Variants in NCAM2 observed in about 807,000 individuals in gnomAD.
The protein encoded by NCAM2 is N-CAM-2.
NCAM2 carries 30 observed loss-of-function variants against 98.1 expected under a neutral mutation model. The observed-to-expected ratio is 0.31, with a 90% CI of 0.23 to 0.41. The LOEUF is 0.41. NCAM2 is among the 10% of genes least tolerant of loss of function. The pLI, the probability that NCAM2 is intolerant of heterozygous loss-of-function variation, is 1.00. For missense variants in NCAM2, 867 were observed against 1,005.8 expected (o/e 0.86, Z 1.87); for synonymous variants, 368 against 342.4 (o/e 1.07, Z -0.83).
intron 1 of NCAM2, among the ~76,000 whole-genome samples, chr21:21,245,859 G>GA (rs2147261566): frequency 5.1e-3 from 1 of 196 alleles, no homozygotes; most frequent in African/African-American, 0.011. Context: ...TAAGGAAGAT[G>GA]AGGATAAGGA....
chr21:21,246,126 C>T (rs2071262454), intron 1 of NCAM2, among the ~76,000 whole-genome samples: 1 of 152,106 alleles, frequency 6.6e-6, no homozygotes. Context: ...CTCTTGGATC[C>T]CTCAACTTTG....
chr21:21,370,422 C>T (rs76529618), intron 8 of NCAM2, among the ~76,000 whole-genome samples: 1 of 151,800 alleles, frequency 6.6e-6, no homozygotes, highest in East Asian at 1.9e-4. Flanking sequence ...TTTCAAACAT[C>T]TTATTGGCAT....
intron 1 of NCAM2, among the ~76,000 whole-genome samples, chr21:21,246,300 A>G (rs1363694416): frequency 6.6e-6 from 1 of 152,058 alleles, no homozygotes; most frequent in Non-Finnish European, 1.5e-5. Flanking sequence ...AAAACCACTC[A>G]GCTAAGCCAC....
chr21:21,292,320 C>G, intron 5 of NCAM2, 79 bp downstream of exon 5: 1 of 1,398,182 alleles, frequency 7.2e-7, no homozygotes, highest in Non-Finnish European at 9.8e-7. Context: ...CATGTGAACT[C>G]AAAATACAAG....
At chr21:21,200,285 G>T (rs920015578) in intron 1 of NCAM2, among the ~76,000 whole-genome samples, 2 of 151,832 alleles carry the variant, frequency 1.3e-5, no homozygotes, top group Non-Finnish European at 2.9e-5. Flanking sequence ...ACTTGCATGG[G>T]TCACAACACA....
intron 16 of NCAM2, among the ~76,000 whole-genome samples, chr21:21,517,274 T>C (rs1175157804): frequency 6.6e-6 from 1 of 152,244 alleles, no homozygotes; most frequent in African/African-American, 2.4e-5. Context: ...CATATTCTTA[T>C]ATCCTTTATT....
chr21:21,225,544 T>C (rs1014369448), intron 1 of NCAM2, among the ~76,000 whole-genome samples: 7 of 152,164 alleles, frequency 4.6e-5, no homozygotes, highest in African/African-American at 1.4e-4. Flanking sequence ...AGTGTGTTAA[T>C]TAAATGATGC....
chr21:21,180,577 G>A (rs114667253), intron 1 of NCAM2, among the ~76,000 whole-genome samples: 1,694 of 152,228 alleles, frequency 0.011, 36 homozygotes, highest in African/African-American at 0.039. Context: ...TAATTGCTGT[G>A]TTGAAGATAT....
At chr21:21,019,203 C>A (rs778547278) in intron 1 of NCAM2, among the ~76,000 whole-genome samples, 3 of 152,198 alleles carry the variant, frequency 2.0e-5, no homozygotes, top group Admixed American at 6.5e-5. Flanking sequence ...CAGTTCTGTT[C>A]CATGCTCAGT....
rs191412470 is a variant in NCAM2, at chr21:21,172,545, A to G, written c.56-108033A>G. On this transcript the variant is annotated intron_variant, in intron 1 of 17. Coordinates refer to ENST00000400546, the MANE Select transcript of NCAM2 (RefSeq NM_004540.5). ...GCATATTGCATAGTTTTAGTCATATATAACTATATAATCACTTGATTGCCA... is the reference window on the plus strand; with the variant it reads ...GCATATTGCATAGTTTTAGTCATATGTAACTATATAATCACTTGATTGCCA... Among the ~76,000 whole-genome samples the G allele has an allele frequency of 2.0e-3, 310 of 152,272 alleles. 2 individuals carry two copies. Among genetic ancestry groups the G allele is most frequent in the Non-Finnish European group, 3.7e-3 (249 of 67,984 alleles).
chr21:21,081,539 G>C (rs951661480), intron 1 of NCAM2, among the ~76,000 whole-genome samples: 2 of 152,056 alleles, frequency 1.3e-5, no homozygotes, highest in African/African-American at 4.8e-5. Context: ...GGTGGCTCAC[G>C]CCTGTAATCC....
Position 21,158,338 on chromosome 21 carries a change from C to T in NCAM2, c.56-122240C>T, listed in dbSNP as rs151010156. On this transcript the variant is annotated intron_variant, in intron 1 of 17. Coordinates refer to ENST00000400546, the MANE Select transcript of NCAM2 (RefSeq NM_004540.5). ...CCCTTAAGATTATAATGGGGCCAGG[C>T]GCAGTGGCTCAGGCCTGTAATCCCA... 3.7e-3 allele frequency among the ~76,000 whole-genome samples: 569 copies of T among 152,134 alleles called. 7 individuals are homozygous for T. Among genetic ancestry groups the T allele is most frequent in the African/African-American group, 0.013 (541 of 41,502 alleles).
intron 1 of NCAM2, among the ~76,000 whole-genome samples, chr21:21,000,436 T>C (rs1315388777): frequency 6.6e-6 from 1 of 152,174 alleles, no homozygotes; most frequent in Non-Finnish European, 1.5e-5. Context: ...TTTGGAGACA[T>C]AGGAAATTAG....
chr21:21,527,239 G>GT (rs1989376603), intron 16 of NCAM2, among the ~76,000 whole-genome samples: 1 of 151,726 alleles, frequency 6.6e-6, no homozygotes, highest in Non-Finnish European at 1.5e-5. Context: ...AACTTCCTGA[G>GT]TAGCTGGGAT....
intron 1 of NCAM2, among the ~76,000 whole-genome samples, chr21:21,085,825 A>G (rs1172145975): frequency 6.6e-6 from 1 of 152,220 alleles, no homozygotes; most frequent in Non-Finnish European, 1.5e-5. Context: ...ACTATTTAAA[A>G]AATTTTGTTA....
At chr21:21,264,252 C>T (rs2072036688) in intron 1 of NCAM2, among the ~76,000 whole-genome samples, 1 of 152,004 alleles carries the variant, frequency 6.6e-6, no homozygotes, top group Non-Finnish European at 1.5e-5. Context: ...AAATGCTAAA[C>T]ATCAGTAATC....
chr21:21,331,534 T>TATATATATATATATATATATAC (rs1388107613), intron 6 of NCAM2, among the ~76,000 whole-genome samples: 2 of 10,916 alleles, frequency 1.8e-4, no homozygotes, highest in Admixed American at 9.2e-4. Flanking sequence ...TATATATATA[T>TATATATATATATATATATATAC]ACTCTATATA....
intron 5 of NCAM2, among the ~76,000 whole-genome samples, chr21:21,302,619 G>C (rs79094632): frequency 6.6e-6 from 1 of 152,164 alleles, no homozygotes. Context: ...GTTGAAGGCT[G>C]CAGAGAAAAG....
intron 1 of NCAM2, among the ~76,000 whole-genome samples, chr21:21,158,281 G>T (rs867734726): frequency 4.6e-5 from 7 of 152,116 alleles, no homozygotes; most frequent in South Asian, 2.1e-4. Flanking sequence ...AGCTAAATGT[G>T]TGTATATATG....
Sources: gnomAD v4.1 joint callset for allele counts (sites outside exome capture counted in the v4.1 genomes callset) on GRCh38, gnomAD v4.1.1 for gene constraint, MANE v1.5 for transcripts, NCBI Gene and HGNC (gene_info 2026-07-23, HGNC 2026-07-21) for gene names.